BDH2: variants seen among roughly 807,000 people sequenced by gnomAD.
The protein encoded by BDH2 is dehydrogenase/reductase SDR family member 6.
Under a neutral mutation model 33.2 loss-of-function variants are expected in BDH2, and 24 were observed. The ratio of observed to expected loss-of-function variants is 0.72; its 90% CI spans 0.52 to 1.02. The LOEUF is 1.02. Among genes scored for constraint, BDH2 ranks in the 50% least tolerant of loss-of-function variants. The pLI, the probability that BDH2 is intolerant of heterozygous loss-of-function variation, is 0.00. For synonymous variants in BDH2, 81 were observed against 101.6 expected, an observed-to-expected ratio of 0.80 and a Z score of 1.22; for missense variants, 249 against 301.6, an observed-to-expected ratio of 0.83 and a Z score of 1.29.
At chr4:103,085,497 A>AT (rs1402994736) in intron 6 of BDH2, 35 bp from the exon 7 acceptor site, 1 of 1,559,540 alleles carries the variant, frequency 6.4e-7, no homozygotes, top group African/African-American at 1.4e-5. Context: ...AATTGAAGGA[A>AT]TAAAAAATGT....
intron 7 of BDH2, among the ~76,000 whole-genome samples, chr4:103,083,743 C>G (rs1747634857): frequency 6.6e-6 from 1 of 152,142 alleles, no homozygotes; most frequent in Non-Finnish European, 1.5e-5. Flanking sequence ...GTTTTACAGT[C>G]ATACTTCACC....
chr4:103,079,326 C>T lies in BDH2; in HGVS notation c.*376G>A. The T allele has an allele frequency of 5.7e-6, 1 of 175,334 alleles. No individual in the cohort carries two copies. Among genetic ancestry groups the T allele is most frequent in the South Asian group, 1.3e-4 (1 of 7,834 alleles). The allele number at this position is 175,334 out of a possible 1,614,324, so 10.9% of individuals were successfully genotyped here. A position where few individuals can be genotyped will look rare whatever the true frequency, so the allele number is the denominator to read the frequency against. ...CCTAACCAGAAACTATATCTGCTGG[C>T]ACCTTTATCTTGCACTTCCTAGCCT... On this transcript the variant is annotated 3_prime_UTR_variant, in exon 10 of 10. Coordinates refer to ENST00000296424, the MANE Select transcript of BDH2 (RefSeq NM_020139.4).
chr4:103,098,112 G>T (rs925929384), intron 1 of BDH2, among the ~76,000 whole-genome samples: 9 of 152,176 alleles, frequency 5.9e-5, no homozygotes, highest in African/African-American at 1.9e-4. Flanking sequence ...AAGGACTGCT[G>T]TGGAGAACAT....
At position 103,077,872 on chromosome 4, in the gene BDH2, A is replaced by T. The variant is rs1747311670; in HGVS notation, c.*1830T>A. On this transcript the variant is annotated 3_prime_UTR_variant, in exon 10 of 10. Coordinates refer to ENST00000296424, the MANE Select transcript of BDH2 (RefSeq NM_020139.4). Reference sequence around the variant, plus strand: ...GGTGACTTGGTCTAGATCACAAACCAAAGTTAGCCATAATTCGGTAGTGTA... The same window carrying T: ...GGTGACTTGGTCTAGATCACAAACCTAAGTTAGCCATAATTCGGTAGTGTA... 6.6e-6 allele frequency among the ~76,000 whole-genome samples: 1 copy of T among 152,210 alleles called. No individual in the cohort carries two copies. The highest frequency in any genetic ancestry group is 2.4e-5 in the African/African-American group (1 of 41,450).
At chr4:103,096,921 C>T (rs910112257) in intron 1 of BDH2, among the ~76,000 whole-genome samples, 5 of 152,108 alleles carry the variant, frequency 3.3e-5, no homozygotes, top group African/African-American at 4.8e-5. Context: ...TCCTCACTAC[C>T]ACCATCACTC....
intron 1 of BDH2, among the ~76,000 whole-genome samples, chr4:103,096,950 A>G (rs144903042): frequency 3.3e-5 from 5 of 152,284 alleles, no homozygotes; most frequent in Admixed American, 1.3e-4. Context: ...ACCCCTGCAC[A>G]CATTGCTATG....
At chr4:103,099,640 C>T (rs1237749751) in intron 1 of BDH2, 143 bp downstream of exon 1, 1 of 152,150 alleles carries the variant, frequency 6.6e-6, no homozygotes, top group African/African-American at 2.4e-5. Flanking sequence ...GTTTCAGGCT[C>T]TTTAAAAACC....
At chr4:103,091,059 C>T in intron 5 of BDH2, 118 bp downstream of exon 5, 1 of 599,600 alleles carries the variant, frequency 1.7e-6, no homozygotes. Context: ...ATGTTCAATG[C>T]AAGTTAATCA....
intron 1 of BDH2, among the ~76,000 whole-genome samples, chr4:103,097,384 C>T (rs1160130278): frequency 6.6e-6 from 1 of 152,162 alleles, no homozygotes; most frequent in Non-Finnish European, 1.5e-5. Context: ...TTCACCAGTG[C>T]TTGGATTATA....
chr4:103,095,831 C>A (rs970690251), intron 2 of BDH2, among the ~76,000 whole-genome samples: 1 of 152,122 alleles, frequency 6.6e-6, no homozygotes, highest in Non-Finnish European at 1.5e-5. Context: ...TCTTATAACT[C>A]TGGAGTCATA....
intron 8 of BDH2, 75 bp from the exon 9 acceptor site, chr4:103,082,248 T>A: frequency 7.6e-7 from 1 of 1,317,542 alleles, no homozygotes; most frequent in Non-Finnish European, 1.1e-6. Flanking sequence ...GTTCAAGGAG[T>A]TAAAGGCAAG....
At position 103,092,234 on chromosome 4, in the gene BDH2, T is replaced by C. The variant is rs1748139406; in HGVS notation, c.248+366A>G. 2.3e-5 allele frequency: 5 copies of C among 219,810 alleles called. No homozygotes were observed. In the South Asian group the frequency reaches 2.8e-4, roughly 12 times the overall value. The allele number at this position is 219,810 out of a possible 1,614,324, so 13.6% of individuals were successfully genotyped here. A position where few individuals can be genotyped will look rare whatever the true frequency, so the allele number is the denominator to read the frequency against. On this transcript the variant is annotated intron_variant, in intron 4 of 9. Transcript: ENST00000296424. The stretch of plus-strand genomic sequence containing the variant: ...TTAATAGATGCTCAGAAACTAACTT[T>C]GCTAACTATTTGTTTCATGTTTCTG...
chr4:103,080,288 CTA>C (rs1485476344), intron 9 of BDH2, among the ~76,000 whole-genome samples: 1 of 152,146 alleles, frequency 6.6e-6, no homozygotes, highest in Non-Finnish European at 1.5e-5. Context: ...ATGATAATAA[CTA>C]TAATCCATTA....
chr4:103,079,630 A>G lies in BDH2; in HGVS notation c.*72T>C, dbSNP rs1747410226. 1 of 1,427,128 alleles carries G rather than the reference A, an allele frequency of 7.0e-7. No homozygotes were observed. The highest frequency in any genetic ancestry group is 1.4e-5 in the African/African-American group (1 of 70,800). The allele number at this position is 1,427,128 out of a possible 1,614,324, so 88.4% of individuals were successfully genotyped here. A position where few individuals can be genotyped will look rare whatever the true frequency, so the allele number is the denominator to read the frequency against. On this transcript the variant is annotated 3_prime_UTR_variant, in exon 10 of 10. Transcript: ENST00000296424. ...ATTAACAGGAAGGAGATGATTGGTG[A>G]GTTTTCTTCGTAACCAGGTTCACTG...
chr4:103,086,581 T>A, intron 5 of BDH2, 41 bp from the exon 6 acceptor site: 1 of 1,557,154 alleles, frequency 6.4e-7, no homozygotes, highest in Non-Finnish European at 8.7e-7. Context: ...AAAATCCACT[T>A]TGTGGGCTAA....
In BDH2 at chr4:103,082,922, A is replaced by G. The variant is rs148361393; in HGVS notation, c.540T>C (p.Val180=). ...IRCNCVCPGT[V]DTPSLQERIQ... is the part of the protein sequence containing the mutation. Reference sequence around the variant, plus strand: ...TTCTTTCTTGTAGAGATGGCGTATCAACTGTTCCTAAATCAAAGGGGGATA... The same window carrying G: ...TTCTTTCTTGTAGAGATGGCGTATCGACTGTTCCTAAATCAAAGGGGGATA... The change falls in exon 8 of 10, where the codon GTT becomes GTC. Residue 180 remains valine, a synonymous_variant. Coordinates refer to ENST00000296424, the MANE Select transcript of BDH2 (RefSeq NM_020139.4). The G allele has an allele frequency of 2.5e-6, 4 of 1,612,478 alleles. No individual in the cohort carries two copies. The African/African-American group carries it at 5.3e-5, about 22-fold the overall frequency.
At chr4:103,087,769 A>G (rs1240109136) in intron 5 of BDH2, among the ~76,000 whole-genome samples, 1 of 152,244 alleles carries the variant, frequency 6.6e-6, no homozygotes, top group Non-Finnish European at 1.5e-5. Context: ...GAATTTAAAA[A>G]TGTTTTCAAA....
At chr4:103,080,978 TG>T (rs1414981275) in intron 9 of BDH2, among the ~76,000 whole-genome samples, 1 of 152,238 alleles carries the variant, frequency 6.6e-6, no homozygotes, top group Non-Finnish European at 1.5e-5. Context: ...TCCCTGTATT[TG>T]TCACATTCAC....
At chr4:103,099,261 T>G (rs1246997264) in intron 1 of BDH2, 6 of 152,180 alleles carry the variant, frequency 3.9e-5, no homozygotes, top group African/African-American at 1.4e-4. Flanking sequence ...GAGCAGCCTT[T>G]CTATGCACTC....
Sources: gnomAD v4.1 joint callset for allele counts (sites outside exome capture counted in the v4.1 genomes callset) on GRCh38, gnomAD v4.1.1 for gene constraint, MANE v1.5 for transcripts, NCBI Gene and HGNC (gene_info 2026-07-23, HGNC 2026-07-21) for gene names.